Variants in EEA1 observed in about 807,000 individuals in gnomAD.
The protein encoded by EEA1 is early endosome antigen 1.
A neutral mutation model predicts 209.2 loss-of-function variants in EEA1; 111 were observed. The observed-to-expected ratio is 0.53, with a 90% confidence interval of 0.45 to 0.62. The LOEUF (loss-of-function observed/expected upper bound fraction) is 0.62, where lower values mean the gene tolerates loss of function less well. Ranked by LOEUF, EEA1 falls within the 20% of genes least tolerant of loss-of-function variation. EEA1 has a pLI of 0.00. For missense variants in EEA1, 1,343 were observed against 1,530.8 expected, an observed-to-expected ratio of 0.88 and a Z score of 2.05; for synonymous variants, 536 against 540.6, an observed-to-expected ratio of 0.99 and a Z score of 0.12.
At position 92,811,279 on chromosome 12, in the gene EEA1, C is replaced by G; in HGVS notation, c.2199G>C (p.Lys733Asn). 4 of 1,533,138 alleles carry G rather than the reference C, an allele frequency of 2.6e-6. No homozygotes were observed. Among genetic ancestry groups the G allele is most frequent in the Non-Finnish European group, 3.5e-6 (4 of 1,143,634 alleles). 95.0% of individuals were successfully genotyped at this position (1,533,138 alleles called of 1,614,324 possible). Residue 733 changes from lysine (K) to asparagine (N), a missense_variant and splice_region_variant, in exon 17 of 29, where the codon AAG becomes AAC. Around this residue, in one of 3 missense-constraint regions of EEA1, gnomAD observed 1,307 missense variants for 1,465.5 expected, o/e 0.89. Transcript: ENST00000322349. ...TAAATTCAACTTCTTTTATACAAACCTTAATTTGACCTTCTAGCTCTTCGG... is the reference window on the plus strand; with the variant it reads ...TAAATTCAACTTCTTTTATACAAACGTTAATTTGACCTTCTAGCTCTTCGG... ...QKTEELEGQI[K>N]KLEADSLEVK...
intron 12 of EEA1, among the ~76,000 whole-genome samples, chr12:92,826,838 C>T (rs921446105): frequency 6.6e-6 from 1 of 151,962 alleles, no homozygotes; most frequent in African/African-American, 2.4e-5. Flanking sequence ...TCCAGGCTGG[C>T]ATTTAGTTTA....
intron 21 of EEA1, among the ~76,000 whole-genome samples, chr12:92,794,744 T>TGGGGGGGGGGGGGG (rs1874579356): frequency 9.2e-6 from 1 of 108,364 alleles, no homozygotes; most frequent in Non-Finnish European, 2.0e-5. Context: ...GGTGGGGGGC[T>TGGGGGGGGGGGGGG]GGGGGAGGGA....
chr12:92,844,467 T>G (rs1877308194), intron 9 of EEA1, among the ~76,000 whole-genome samples: 1 of 152,156 alleles, frequency 6.6e-6, no homozygotes. Context: ...AATATATACA[T>G]AATCTTATAC....
At chr12:92,827,873 T>C in intron 12 of EEA1, 39 bp downstream of exon 12, 1 of 1,470,190 alleles carries the variant, frequency 6.8e-7, no homozygotes, top group African/African-American at 1.4e-5. Context: ...ATGTTAAAGA[T>C]GCCTCAAGCC....
intron 11 of EEA1, among the ~76,000 whole-genome samples, chr12:92,831,899 C>T (rs2136692481): frequency 6.7e-6 from 1 of 149,882 alleles, no homozygotes; most frequent in South Asian, 2.1e-4. Flanking sequence ...TCCTGGCTAA[C>T]AAGGTGAAAC....
At chr12:92,863,278 C>T (rs1448515832) in intron 3 of EEA1, among the ~76,000 whole-genome samples, 1 of 152,210 alleles carries the variant, frequency 6.6e-6, no homozygotes, top group Non-Finnish European at 1.5e-5. Context: ...CCTCATGAAT[C>T]TGACTTGGCA....
intron 2 of EEA1, among the ~76,000 whole-genome samples, chr12:92,872,018 C>A (rs904688151): frequency 3.3e-5 from 5 of 151,282 alleles, no homozygotes; most frequent in African/African-American, 1.2e-4. Flanking sequence ...GTAGCTGGGA[C>A]TACAGGCGCG....
chr12:92,902,058 A>G (rs181224260), intron 1 of EEA1, among the ~76,000 whole-genome samples: 2 of 152,258 alleles, frequency 1.3e-5, no homozygotes, highest in Admixed American at 1.3e-4. Context: ...GCTGGGCACA[A>G]TGGTTCACAT....
intron 16 of EEA1, among the ~76,000 whole-genome samples, chr12:92,812,547 A>G (rs950703006): frequency 2.6e-5 from 4 of 152,132 alleles, no homozygotes; most frequent in Admixed American, 6.5e-5. Flanking sequence ...ACTGAGGTAG[A>G]ATATACAGTG....
chr12:92,807,789 A>T (rs1187162796), intron 18 of EEA1, among the ~76,000 whole-genome samples: 1 of 152,154 alleles, frequency 6.6e-6, no homozygotes, highest in Admixed American at 6.5e-5. Context: ...CAAGTAGATA[A>T]AGAGACATAT....
chr12:92,853,454 T>G (rs564816667), intron 6 of EEA1, among the ~76,000 whole-genome samples: 1 of 152,146 alleles, frequency 6.6e-6, no homozygotes, highest in Non-Finnish European at 1.5e-5. Context: ...GTTGGGATTA[T>G]AGGCATGAGC....
intron 3 of EEA1, among the ~76,000 whole-genome samples, chr12:92,861,384 G>A (rs1267683309): frequency 6.6e-6 from 1 of 152,194 alleles, no homozygotes; most frequent in Admixed American, 6.5e-5. Context: ...GGACCCAGGA[G>A]GTATCGGTTG....
At chr12:92,884,316 A>G (rs1879288468) in intron 2 of EEA1, 1 of 1,335,170 alleles carries the variant, frequency 7.5e-7, no homozygotes, top group Non-Finnish European at 1.1e-6. Context: ...GCCCTGTCAA[A>G]GCAAGAGATG....
chr12:92,853,796 TAG>T, intron 6 of EEA1, 117 bp downstream of exon 6: 1 of 770,808 alleles, frequency 1.3e-6, no homozygotes, highest in South Asian at 2.2e-5. Flanking sequence ...TTCACTGTTT[TAG>T]AGTCATAAAG....
At chr12:92,790,780 A>G (rs146682194) in intron 21 of EEA1, among the ~76,000 whole-genome samples, 1,779 of 152,286 alleles carry the variant, frequency 0.012, 33 homozygotes, top group African/African-American at 0.041. Flanking sequence ...GAACACCACA[A>G]AGATACTCCT....
intron 10 of EEA1, among the ~76,000 whole-genome samples, chr12:92,837,895 T>G (rs950986168): frequency 6.6e-6 from 1 of 152,146 alleles, no homozygotes; most frequent in Admixed American, 6.5e-5. Flanking sequence ...TTCAAAGCAC[T>G]TGAAAATCAC....
At chr12:92,867,130 A>G (rs1878436449) in intron 2 of EEA1, among the ~76,000 whole-genome samples, 1 of 152,212 alleles carries the variant, frequency 6.6e-6, no homozygotes, top group African/African-American at 2.4e-5. Context: ...TATGGCATAC[A>G]AGGTTCTGCA....
chr12:92,850,742 C>T (rs1469992057), intron 9 of EEA1, among the ~76,000 whole-genome samples: 1 of 146,388 alleles, frequency 6.8e-6, no homozygotes, highest in African/African-American at 2.5e-5. Context: ...CAAAATAAGC[C>T]TTTCTTAAAT....
intron 2 of EEA1, chr12:92,879,288 G>A (rs1879039263): frequency 2.3e-6 from 1 of 431,502 alleles, no homozygotes; most frequent in Non-Finnish European, 4.6e-6. Flanking sequence ...AATCTGAAAT[G>A]AACATCATTT....
Sources: gnomAD v4.1 joint callset for allele counts (sites outside exome capture counted in the v4.1 genomes callset) on GRCh38, gnomAD v4.1.1 for gene constraint, gnomAD v4.1.1 regional missense constraint, MANE v1.5 for transcripts, NCBI Gene and HGNC (gene_info 2026-07-23, HGNC 2026-07-21) for gene names.